PALM2AKAP2: variants seen among roughly 807,000 people sequenced by gnomAD.
The protein encoded by PALM2AKAP2 is PALM2-AKAP2 fusion protein.
In PALM2AKAP2, 37 loss-of-function variants were observed where a neutral mutation model predicts 71.5. That is an observed-to-expected ratio of 0.52 (90% confidence interval 0.40 to 0.68). PALM2AKAP2 has a LOEUF of 0.68. Ranked by LOEUF, PALM2AKAP2 falls within the 30% of genes least tolerant of loss-of-function variation. The pLI is 0.00. For missense variants in PALM2AKAP2, 1,224 were observed against 1,191.8 expected, an observed-to-expected ratio of 1.03 and a Z score of -0.40; for synonymous variants, 468 against 478.8, an observed-to-expected ratio of 0.98 and a Z score of 0.29.
intron 1 of PALM2AKAP2, among the ~76,000 whole-genome samples, chr9:109,819,971 A>T (rs1827954488): frequency 1.3e-5 from 2 of 152,216 alleles, no homozygotes; most frequent in Non-Finnish European, 2.9e-5. Context: ...AAACAGGAAA[A>T]TGGTTAAATA....
chr9:109,916,497 G>C (rs1830695547), intron 3 of PALM2AKAP2, among the ~76,000 whole-genome samples: 1 of 152,236 alleles, frequency 6.6e-6, no homozygotes, highest in Admixed American at 6.5e-5. Context: ...GGGCAGCGCA[G>C]GCTGTGACCC....
intron 5 of PALM2AKAP2, among the ~76,000 whole-genome samples, chr9:109,928,411 C>A (rs193049793): frequency 1.1e-4 from 16 of 152,308 alleles, no homozygotes; most frequent in African/African-American, 3.4e-4. Flanking sequence ...TAAGTTACTG[C>A]TTTCCACCTT....
At chr9:109,645,968 G>A (rs61283717) in intron 1 of PALM2AKAP2, among the ~76,000 whole-genome samples, 6,608 of 152,056 alleles carry the variant, frequency 0.043, 175 homozygotes, top group Admixed American at 0.075. Flanking sequence ...CACCTTAAGA[G>A]GCTAGAAGAG....
intron 1 of PALM2AKAP2, among the ~76,000 whole-genome samples, chr9:110,059,194 C>T (rs1346366984): frequency 4.6e-5 from 7 of 152,130 alleles, no homozygotes; most frequent in Non-Finnish European, 7.4e-5. Context: ...GCCACCGCGC[C>T]CAGCCGATGG....
At chr9:109,832,032 T>G (rs1828314870) in intron 1 of PALM2AKAP2, among the ~76,000 whole-genome samples, 1 of 152,174 alleles carries the variant, frequency 6.6e-6, no homozygotes, top group African/African-American at 2.4e-5. Flanking sequence ...TTCTTCTATT[T>G]TATCCCAATT....
chr9:109,826,133 A>G (rs1415012360), intron 1 of PALM2AKAP2, among the ~76,000 whole-genome samples: 7 of 145,856 alleles, frequency 4.8e-5, no homozygotes, highest in Non-Finnish European at 1.1e-4. Flanking sequence ...CAAACACCAC[A>G]TGTTCTCACT....
Position 110,138,497 on chromosome 9 carries a change from G to T in PALM2AKAP2, c.2527G>T (p.Ala843Ser), listed in dbSNP as rs377019694. ...TACGCAGAGCCCCAGGACAAAGAATGCCCCATCACTGCCCTCCAGAACATG... is the reference window on the plus strand; with the variant it reads ...TACGCAGAGCCCCAGGACAAAGAATTCCCCATCACTGCCCTCCAGAACATG... Residue 843 changes from alanine (A) to serine (S), a missense_variant, in exon 2 of 4, where the codon GCC (alanine) becomes TCC (serine). By Grantham distance (99) the Ala-to-Ser change is moderately conservative (BLOSUM62 1). Coordinates refer to ENST00000374525, the Ensembl canonical transcript of PALM2AKAP2. 22 of 1,613,336 alleles carry T rather than the reference G, an allele frequency of 1.4e-5. No homozygotes were observed. In the African/African-American group the frequency reaches 2.7e-4, roughly 20 times the overall value.
intron 3 of PALM2AKAP2, among the ~76,000 whole-genome samples, chr9:110,160,226 A>G (rs1231411005): frequency 6.6e-6 from 1 of 152,250 alleles, no homozygotes; most frequent in Non-Finnish European, 1.5e-5. Context: ...ACTGGGCTTT[A>G]GTACCATTCA....
At chr9:110,112,639 G>A (rs562252079) in intron 1 of PALM2AKAP2, among the ~76,000 whole-genome samples, 18 of 152,278 alleles carry the variant, frequency 1.2e-4, no homozygotes, top group African/African-American at 3.8e-4. Context: ...TCTTGAAGCC[G>A]GTCTTCCTTG....
chr9:109,678,218 C>G (rs1390395775), intron 1 of PALM2AKAP2, among the ~76,000 whole-genome samples: 1 of 152,084 alleles, frequency 6.6e-6, no homozygotes, highest in Non-Finnish European at 1.5e-5. Flanking sequence ...CTTACAATAC[C>G]CCTCACTGAA....
intron 1 of PALM2AKAP2, among the ~76,000 whole-genome samples, chr9:110,065,347 G>A (rs1834055833): frequency 6.6e-6 from 1 of 152,176 alleles, no homozygotes. Context: ...TCCCACCTCA[G>A]CCTCCTGAGA....
intron 1 of PALM2AKAP2, among the ~76,000 whole-genome samples, chr9:109,729,274 C>A (rs764199935): frequency 6.6e-6 from 1 of 152,166 alleles, no homozygotes; most frequent in Non-Finnish European, 1.5e-5. Flanking sequence ...TCCCCTCCAA[C>A]TTGATGTGTC....
intron 1 of PALM2AKAP2, among the ~76,000 whole-genome samples, chr9:109,731,980 C>A (rs1192242118): frequency 1.3e-5 from 2 of 152,122 alleles, no homozygotes; most frequent in African/African-American, 2.4e-5. Flanking sequence ...AACGTCCTGG[C>A]CAGATTTCAG....
intron 1 of PALM2AKAP2, among the ~76,000 whole-genome samples, chr9:109,644,682 C>A (rs1470100259): frequency 6.6e-6 from 1 of 152,218 alleles, no homozygotes; most frequent in African/African-American, 2.4e-5. Flanking sequence ...CCCAAGTCAC[C>A]TCTTGAATGC....
intron 1 of PALM2AKAP2, among the ~76,000 whole-genome samples, chr9:109,795,838 T>C (rs1254337121): frequency 6.6e-6 from 1 of 152,218 alleles, no homozygotes; most frequent in East Asian, 1.9e-4. Flanking sequence ...TTAGGGCAAT[T>C]TTCCAGCAGG....
intron 1 of PALM2AKAP2, among the ~76,000 whole-genome samples, chr9:110,080,067 C>A (rs1834413134): frequency 6.0e-5 from 3 of 49,890 alleles, no homozygotes; most frequent in South Asian, 1.1e-3. Flanking sequence ...GAGACTCTGT[C>A]TCAAAAAAAA....
chr9:110,037,996 T>G, intron 7 of PALM2AKAP2, among the ~76,000 whole-genome samples: 1 of 152,052 alleles, frequency 6.6e-6, no homozygotes, highest in East Asian at 1.9e-4. Context: ...CATCCCAAAT[T>G]AAAGATTTGT....
At chr9:110,053,632 C>T (rs755563062) in intron 1 of PALM2AKAP2, among the ~76,000 whole-genome samples, 1 of 151,952 alleles carries the variant, frequency 6.6e-6, no homozygotes, top group Non-Finnish European at 1.5e-5. Context: ...TTTCAGAGTG[C>T]CCCGCATAGG....
intron 1 of PALM2AKAP2, among the ~76,000 whole-genome samples, chr9:109,834,439 A>G (rs1828396225): frequency 6.6e-6 from 1 of 152,196 alleles, no homozygotes; most frequent in African/African-American, 2.4e-5. Flanking sequence ...TGAGAGTCTT[A>G]GCAGGCTTGC....
Sources: gnomAD v4.1 joint callset for allele counts (sites outside exome capture counted in the v4.1 genomes callset) on GRCh38, gnomAD v4.1.1 for gene constraint, MANE v1.5 for transcripts, NCBI Gene and HGNC (gene_info 2026-07-23, HGNC 2026-07-21) for gene names.